CHFR: variants seen among roughly 807,000 people sequenced by gnomAD.
CHFR encodes E3 ubiquitin-protein ligase CHFR.
A neutral mutation model predicts 87.6 loss-of-function variants in CHFR; 57 were observed. The observed-to-expected ratio is 0.65, with a 90% CI of 0.53 to 0.81. The LOEUF is 0.81. CHFR is among the 30% of genes least tolerant of loss of function. The pLI, the probability that CHFR is intolerant of heterozygous loss-of-function variation, is 0.00. For synonymous variants in CHFR, 381 were observed against 359.2 expected (o/e 1.06, Z -0.69); for missense variants, 797 against 865.8 (o/e 0.92, Z 1.00).
chr12:132,843,568 C>T (rs534497030), intron 16 of CHFR, among the ~76,000 whole-genome samples: 28 of 152,280 alleles, frequency 1.8e-4, no homozygotes, highest in African/African-American at 6.7e-4. Context: ...AGACCCAGGG[C>T]CTAAAACAAC....
chr12:132,877,871 C>T (rs995769568), intron 2 of CHFR, among the ~76,000 whole-genome samples: 7 of 152,020 alleles, frequency 4.6e-5, no homozygotes, highest in Admixed American at 6.5e-5. Context: ...GGCACCATCT[C>T]GGCTCACTGC....
chr12:132,857,850 C>T (rs892549824), intron 8 of CHFR, among the ~76,000 whole-genome samples: 7 of 152,210 alleles, frequency 4.6e-5, no homozygotes, highest in Non-Finnish European at 8.8e-5. Context: ...TGAGTTCCCG[C>T]GGAAAAGCAA....
intron 6 of CHFR, among the ~76,000 whole-genome samples, chr12:132,869,392 G>C (rs867935498): frequency 2.6e-5 from 4 of 152,108 alleles, no homozygotes; most frequent in African/African-American, 7.2e-5. Context: ...GCGAATTATA[G>C]TCTCAATGAA....
In CHFR at chr12:132,859,211, C is replaced by G; in HGVS notation, c.768G>C (p.Leu256=). 2.5e-6 allele frequency: 4 copies of G among 1,613,364 alleles called. No homozygotes were observed. The highest frequency in any genetic ancestry group is 3.4e-6 in the Non-Finnish European group (4 of 1,179,654). Residue 256 remains leucine, a synonymous_variant, in exon 8 of 18, where the codon CTG becomes CTC. Transcript: ENST00000450056. ...KKMRGDGDLD[L]NGQLLVAQPR... ...GTTGTGCGACCAACAACTGCCCGTT[C>G]AGGTCAAGGTCCCCATCTACAGGAG...
Position 132,856,186 on chromosome 12 carries a change from C to A in CHFR, c.1229+282G>T, listed in dbSNP as rs577604136. 1.2e-4 allele frequency among the ~76,000 whole-genome samples: 19 copies of A among 152,324 alleles called. 1 individual carries two copies. In the South Asian group the frequency reaches 2.5e-3, roughly 20 times the overall value. The stretch of plus-strand genomic sequence containing the variant: ...GTCGAAGCAAAGGGAAGGGTGTCAG[C>A]CGAGGGTGCAAATGTCTACAGCAGT... On this transcript the variant is annotated intron_variant, in intron 10 of 17. Coordinates refer to ENST00000450056, the MANE Select transcript of CHFR (RefSeq NM_001161346.2).
In CHFR at chr12:132,836,760, T is replaced by TTTGTGCCGCGGG. The variant is rs1256813220; in HGVS notation, c.*4782_*4793dup. 8.8e-6 allele frequency: 4 copies of TTTGTGCCGCGGG among 455,786 alleles called. No homozygotes were observed. Among genetic ancestry groups the TTTGTGCCGCGGG allele is most frequent in the Admixed American group, 2.4e-5 (1 of 42,548 alleles). The allele number at this position is 455,786 out of a possible 1,614,324, so 28.2% of individuals were successfully genotyped here. On this transcript the variant is annotated 3_prime_UTR_variant, in exon 18 of 18. Transcript: ENST00000450056. ...TGAGCGACAGAGGAAGGGGCGCCTG[T>TTTGTGCCGCGGG]TTGTGCCGCGGGAAAGATTTCAAGC...
Position 132,856,649 on chromosome 12 carries a change from A to G in CHFR, c.1067-19T>C. ...CTCTTGTCTAGAATTGAAAGGACAC[A>G]GCGCCATTCACCGGCAGTGAGACAT... is the stretch of plus-strand genomic sequence containing the variant. On this transcript the variant is annotated intron_variant, in intron 9 of 17. Coordinates refer to ENST00000450056, the MANE Select transcript of CHFR (RefSeq NM_001161346.2). 6.2e-7 allele frequency: 1 copy of G among 1,612,964 alleles called. No homozygotes were observed. The highest frequency in any genetic ancestry group is 8.5e-7 in the Non-Finnish European group (1 of 1,179,530).
chr12:132,852,863 GGCATCTTCCCATTCTATGAGTCTGGA>G (rs1421491851), intron 11 of CHFR, among the ~76,000 whole-genome samples: 1 of 152,216 alleles, frequency 6.6e-6, no homozygotes, highest in African/African-American at 2.4e-5. Flanking sequence ...GACCCCTGAG[GGCATCTTCCCATTCTATGAGTCTGGA>G]GTGAGCAGGG....
In CHFR at chr12:132,844,107, A is replaced by T. The variant is rs1566173893; in HGVS notation, c.1763T>A (p.Leu588Gln). The T allele has an allele frequency of 6.2e-7, 1 of 1,613,528 alleles. No individual in the cohort carries two copies. The highest frequency in any genetic ancestry group is 8.5e-7 in the Non-Finnish European group (1 of 1,179,482). The change falls in exon 16 of 18, where the codon CTG becomes CAG. Residue 588 changes from leucine (L) to glutamine (Q), a missense_variant. Around this residue, in one of 2 missense-constraint regions of CHFR, gnomAD observed 200 missense variants for 264.6 expected, o/e 0.76. Coordinates refer to ENST00000450056, the MANE Select transcript of CHFR (RefSeq NM_001161346.2). Reference sequence around the variant, plus strand: ...GCTGCGCAGGCCACAGCAGTAACACAGAACGGTGTCTCCCGTGACTCTGTA... The same window carrying T: ...GCTGCGCAGGCCACAGCAGTAACACTGAACGGTGTCTCCCGTGACTCTGTA... ...SDYRVTGDTVLCYCCGLRSFR... is the reference protein window; with the variant it reads ...SDYRVTGDTVQCYCCGLRSFR...
intron 8 of CHFR, 25 bp from the exon 9 acceptor site, chr12:132,857,584 CCA>C (rs760617571): frequency 1.9e-6 from 3 of 1,609,142 alleles, no homozygotes; most frequent in Non-Finnish European, 2.5e-6. Context: ...GGAACAGTGT[CCA>C]GACAGTCCCA....
chr12:132,872,625 C>T (rs561038235), intron 3 of CHFR, among the ~76,000 whole-genome samples: 6 of 152,328 alleles, frequency 3.9e-5, no homozygotes, highest in South Asian at 2.1e-4. Flanking sequence ...CACCTCCTCA[C>T]GTGCTTGGCA....
rs1950631272 is a variant in CHFR at position 132,834,081 on chromosome 12, G to A, written c.*7473C>T. The stretch of plus-strand genomic sequence containing the variant: ...GAGGACAGCCAGCAGGATGACTCCT[G>A]GGGTTGGGCCTGAGCTACAGGGAGG... On this transcript the variant is annotated 3_prime_UTR_variant, in exon 18 of 18. Coordinates refer to ENST00000450056, the MANE Select transcript of CHFR (RefSeq NM_001161346.2). 6.6e-6 allele frequency: 1 copy of A among 152,410 alleles called. No homozygotes were observed. The highest frequency in any genetic ancestry group is 2.4e-5 in the African/African-American group (1 of 41,456). 9.4% of individuals were successfully genotyped at this position (152,410 alleles called of 1,614,324 possible).
chr12:132,866,294 A>C (rs1951334298), intron 6 of CHFR: 1 of 152,244 alleles, frequency 6.6e-6, no homozygotes, highest in South Asian at 2.1e-4. Flanking sequence ...GAATGTGACA[A>C]CACACCGGAA....
rs1311130846 is a variant in CHFR at position 132,839,007 on chromosome 12, G to A, written c.*2547C>T. 3 of 152,296 alleles carry A rather than the reference G, an allele frequency of 2.0e-5. No individual in the cohort carries two copies. The highest frequency in any genetic ancestry group is 2.0e-4 in the Admixed American group (3 of 15,282). The allele number at this position is 152,296 out of a possible 1,614,324, so 9.4% of individuals were successfully genotyped here. ...CAGGTAGAAATCCTCTTCACAGTGG[G>A]CCAGGAGTTGGACTTCTCTGAAGGA... On this transcript the variant is annotated 3_prime_UTR_variant, in exon 18 of 18. Transcript: ENST00000450056.
rs770621972 is a variant in CHFR, at chr12:132,853,577, C to T, written c.1230-4G>A. ...CCGGCACACGACGTATGGCTGGCTG[C>T]AAGGAAGCACAGGGCCGAGCTGTGT... On this transcript the variant is annotated splice_region_variant and splice_polypyrimidine_tract_variant and intron_variant, in intron 10 of 17. Coordinates refer to ENST00000450056, the MANE Select transcript of CHFR (RefSeq NM_001161346.2). 4 of 1,527,238 alleles carry T rather than the reference C, an allele frequency of 2.6e-6. No individual in the cohort carries two copies. The highest frequency in any genetic ancestry group is 3.4e-4 in the Middle Eastern group (2 of 5,904). The allele number at this position is 1,527,238 out of a possible 1,614,324, so 94.6% of individuals were successfully genotyped here.
chr12:132,848,671 C>A lies in CHFR; in HGVS notation c.1546G>T (p.Gly516Cys). Reference sequence around the variant, plus strand: ...AACGGGGCCAGGCAGCCGTAGCAGCCGGTCCGGGTGCAGCCCCAGTACAGG... The same window carrying A: ...AACGGGGCCAGGCAGCCGTAGCAGCAGGTCCGGGTGCAGCCCCAGTACAGG... ...CHLYWGCTRT[G>C]CYGCLAPFCE... The change falls in exon 13 of 18, where the codon GGC becomes TGC. Residue 516 changes from glycine (G) to cysteine (C), a missense_variant. Gly to Cys is a radical substitution (Grantham distance 159). Transcript: ENST00000450056. The A allele has an allele frequency of 6.3e-7, 1 of 1,596,746 alleles. No individual in the cohort carries two copies. Among genetic ancestry groups the A allele is most frequent in the Non-Finnish European group, 8.5e-7 (1 of 1,171,928 alleles).
At position 132,861,170 on chromosome 12, in the gene CHFR, C is replaced by T. The variant is rs1453668679; in HGVS notation, c.751+297G>A. On this transcript the variant is annotated intron_variant, in intron 7 of 17. Coordinates refer to ENST00000450056, the MANE Select transcript of CHFR (RefSeq NM_001161346.2). The stretch of plus-strand genomic sequence containing the variant: ...GTGTTAGGATTACGGATATGAACTA[C>T]TGCACCTGGCCAGGAAGGAGGATTT... 1.4e-4 allele frequency among the ~76,000 whole-genome samples: 22 copies of T among 152,224 alleles called. 1 individual carries two copies. The highest frequency in any genetic ancestry group is 7.2e-4 in the Admixed American group (11 of 15,274).
Position 132,869,793 on chromosome 12 carries a change from A to T in CHFR, c.409T>A (p.Ser137Thr), listed in dbSNP as rs1951442927. The T allele has an allele frequency of 6.4e-7, 1 of 1,551,334 alleles. No homozygotes were observed. The highest frequency in any genetic ancestry group is 8.7e-7 in the Non-Finnish European group (1 of 1,146,962). The change falls in exon 6 of 18, where the codon TCA becomes ACA. Residue 137 changes from serine (S) to threonine (T), a missense_variant. By Grantham distance (58) the Ser-to-Thr change is moderately conservative (BLOSUM62 1). This residue lies in a region of CHFR where 597 missense variants were observed against 601.2 expected (regional missense o/e 0.99). Transcript: ENST00000450056. ...QGMTQESFDT[S>T]GAGAGRGADP... ...GCCCCTCGCCCTGCACCTGCACCTG[A>T]GGTATCTTTGGTCCCATGGAACACA... is the stretch of plus-strand genomic sequence containing the variant.
intron 2 of CHFR, chr12:132,882,968 C>G (rs573841653): frequency 6.6e-6 from 1 of 152,194 alleles, no homozygotes; most frequent in African/African-American, 2.4e-5. Context: ...TCCCAAACTG[C>G]TGGGATTACA....
Sources: gnomAD v4.1 joint callset for allele counts (sites outside exome capture counted in the v4.1 genomes callset) on GRCh38, gnomAD v4.1.1 for gene constraint, gnomAD v4.1.1 regional missense constraint, MANE v1.5 for transcripts, NCBI Gene and HGNC (gene_info 2026-07-23, HGNC 2026-07-21) for gene names.